Variants in PDZD8 observed in about 807,000 individuals in gnomAD.
PDZD8 encodes the protein PDZ domain-containing protein 8.
A neutral mutation model predicts 85.8 loss-of-function variants in PDZD8; 14 were observed. That is an observed-to-expected ratio of 0.16 (90% CI 0.11 to 0.26). PDZD8 has a LOEUF of 0.26. PDZD8 is among the 10% of genes least tolerant of loss of function. The pLI, the probability that PDZD8 is intolerant of heterozygous loss-of-function variation, is 1.00. For synonymous variants in PDZD8, 592 were observed against 568.6 expected, an observed-to-expected ratio of 1.04 and a Z score of -0.59; for missense variants, 1,197 against 1,424.3, an observed-to-expected ratio of 0.84 and a Z score of 2.57.
At position 117,280,939 on chromosome 10, in the gene PDZD8, A is replaced by G. The variant is rs1161151243; in HGVS notation, c.*2329T>C. On this transcript the variant is annotated 3_prime_UTR_variant, in exon 5 of 5. Coordinates refer to ENST00000334464, the MANE Select transcript of PDZD8 (RefSeq NM_173791.5). ...GCTACTTACAAGTAGTCCACCTTCCAGGTTATCAATGGTAAGTTATTTTTT... is the reference window on the plus strand; with the variant it reads ...GCTACTTACAAGTAGTCCACCTTCCGGGTTATCAATGGTAAGTTATTTTTT... The G allele has an allele frequency of 6.6e-6, 1 of 152,222 alleles. No individual in the cohort carries two copies. The highest frequency in any genetic ancestry group is 2.4e-5 in the African/African-American group (1 of 41,460). The allele number at this position is 152,222 out of a possible 1,614,324, so 9.4% of individuals were successfully genotyped here. A position where few individuals can be genotyped will look rare whatever the true frequency, so the allele number is the denominator to read the frequency against.
intron 1 of PDZD8, among the ~76,000 whole-genome samples, chr10:117,367,186 G>C (rs1589597366): frequency 2.6e-5 from 4 of 151,904 alleles, no homozygotes; most frequent in Admixed American, 2.6e-4. Flanking sequence ...TGAGGCGGGG[G>C]GATCACTAGA....
Position 117,284,423 on chromosome 10 carries a change from T to G in PDZD8, c.2310A>C (p.Ala770=), listed in dbSNP as rs146032723. 5.6e-5 allele frequency: 91 copies of G among 1,614,068 alleles called. No individual in the cohort carries two copies. Among genetic ancestry groups the G allele is most frequent in the Non-Finnish European group, 7.2e-5 (85 of 1,180,034 alleles). The part of the protein sequence containing the change: ...PSPKAIVTRT[A]LRNLSMQKGF... ...CCTTTTGCATACTCAGATTGCGTAG[T>G]GCGGTTCTAGTGACTATAGCCTTAG... The change falls in exon 5 of 5, where the codon GCA becomes GCC. Residue 770 remains alanine (A), a synonymous_variant. Coordinates refer to ENST00000334464, the MANE Select transcript of PDZD8 (RefSeq NM_173791.5).
chr10:117,312,339 G>C (rs983537307), intron 3 of PDZD8, among the ~76,000 whole-genome samples: 23 of 152,242 alleles, frequency 1.5e-4, no homozygotes, highest in African/African-American at 5.5e-4. Flanking sequence ...CCAGGCCTGC[G>C]AGGGCTGGAA....
chr10:117,285,151 T>C lies in PDZD8; in HGVS notation c.1582A>G (p.Thr528Ala). 1.2e-6 allele frequency: 2 copies of C among 1,614,142 alleles called. No individual in the cohort carries two copies. The highest frequency in any genetic ancestry group is 1.7e-6 in the Non-Finnish European group (2 of 1,179,982). The change falls in exon 5 of 5, where the codon ACA becomes GCA. Residue 528 changes from threonine (T) to alanine (A), a missense_variant. Coordinates refer to ENST00000334464, the MANE Select transcript of PDZD8 (RefSeq NM_173791.5). ...GCTCCAAGGGGTTTAATAGAAAGTGTTGTTGGAACACGTTTGGGACTATGA... is the reference window on the plus strand; with the variant it reads ...GCTCCAAGGGGTTTAATAGAAAGTGCTGTTGGAACACGTTTGGGACTATGA... ...LSHSPKRVPT[T>A]LSIKPLGAIS... is the part of the protein sequence containing the mutation.
In PDZD8 at chr10:117,277,416, C is replaced by A. The variant is rs144613652; in HGVS notation, c.*5852G>T. The A allele has an allele frequency of 5.9e-5, 28 of 471,596 alleles. No individual in the cohort carries two copies. The Admixed American group carries it at 7.6e-4, about 13-fold the overall frequency. The allele number at this position is 471,596 out of a possible 1,614,324, so 29.2% of individuals were successfully genotyped here. A position where few individuals can be genotyped will look rare whatever the true frequency, so the allele number is the denominator to read the frequency against. On this transcript the variant is annotated 3_prime_UTR_variant, in exon 5 of 5. Coordinates refer to ENST00000334464, the MANE Select transcript of PDZD8 (RefSeq NM_173791.5). ...ATTATTTCCTTTCCATGGTTATGGTCGATTGCCAACAGCCTTATAAAGAAA... is the reference window on the plus strand; with the variant it reads ...ATTATTTCCTTTCCATGGTTATGGTAGATTGCCAACAGCCTTATAAAGAAA...
rs1327759087 is a variant in PDZD8, at chr10:117,285,106, G to A, written c.1627C>T (p.Arg543Cys). 9.3e-6 allele frequency: 15 copies of A among 1,613,802 alleles called. No homozygotes were observed. Among genetic ancestry groups the A allele is most frequent in the African/African-American group, 5.3e-5 (4 of 74,866 alleles). Residue 543 changes from arginine (R) to cysteine (C), a missense_variant, in exon 5 of 5, where the codon CGT (arginine) becomes TGT (cysteine). Around this residue, in one of 4 missense-constraint regions of PDZD8, gnomAD observed 263 missense variants for 261.9 expected, o/e 1.00. Transcript: ENST00000334464. Reference protein sequence around the residue: ...PLGAISPVLNRKLAVGSHPLP... With the variant: ...PLGAISPVLNCKLAVGSHPLP... ...GGGTGACTTCCTACAGCTAATTTAC[G>A]GTTTAAAACTGGTGATATAGCTCCA...
chr10:117,297,158 C>A (rs73394938), intron 3 of PDZD8, among the ~76,000 whole-genome samples: 1 of 152,014 alleles, frequency 6.6e-6, no homozygotes, highest in African/African-American at 2.4e-5. Context: ...AAATGGCCAA[C>A]AAGCATATTA....
At chr10:117,322,278 C>T (rs1174711398) in intron 2 of PDZD8, among the ~76,000 whole-genome samples, 4 of 152,182 alleles carry the variant, frequency 2.6e-5, no homozygotes, top group African/African-American at 4.8e-5. Context: ...AAGGAGATTT[C>T]TGATGACCCA....
rs1167221103 is a variant in PDZD8, at chr10:117,279,358, ATTC to A, written c.*3907_*3909del. On this transcript the variant is annotated 3_prime_UTR_variant, in exon 5 of 5. Coordinates refer to ENST00000334464, the MANE Select transcript of PDZD8 (RefSeq NM_173791.5). ...AAACTTTAATGAGGTAGCAATGAAT[ATTC>A]AACTGTTTGACTGCTAAGTGTATCT... The A allele has an allele frequency of 6.6e-6, 1 of 152,208 alleles. No individual in the cohort carries two copies. The highest frequency in any genetic ancestry group is 1.5e-5 in the Non-Finnish European group (1 of 68,048). The allele number at this position is 152,208 out of a possible 1,614,324, so 9.4% of individuals were successfully genotyped here.
chr10:117,341,017 C>T lies in PDZD8; in HGVS notation c.958G>A (p.Glu320Lys). Residue 320 changes from glutamate (E) to lysine (K), a missense_variant, in exon 2 of 5, where the codon GAA becomes AAA. Around this residue, in one of 4 missense-constraint regions of PDZD8, gnomAD observed 344 missense variants for 453.6 expected, o/e 0.76. Transcript: ENST00000334464. ...AACAACGTAACTTTAAGACGGCCTT[C>T]AGTAAGTGCCCATTGTTGTATATGG... ...HIHIQQWALT[E>K]GRLKVTLLEC... The T allele has an allele frequency of 6.2e-7, 1 of 1,614,034 alleles. No homozygotes were observed. The highest frequency in any genetic ancestry group is 1.1e-5 in the South Asian group (1 of 91,078).
Position 117,359,591 on chromosome 10 carries a change from G to C in PDZD8, c.872+14765C>G, listed in dbSNP as rs147224755. ...CTGGGCATGGTGGTGCGCGCCTATAGTCCCAACTGCTCGAGAGGCTGAGGT... is the reference window on the plus strand; with the variant it reads ...CTGGGCATGGTGGTGCGCGCCTATACTCCCAACTGCTCGAGAGGCTGAGGT... On this transcript the variant is annotated intron_variant, in intron 1 of 4. Transcript: ENST00000334464. Among the ~76,000 whole-genome samples, 260 of 152,132 alleles carry C rather than the reference G, an allele frequency of 1.7e-3. 5 individuals carry two copies. The highest frequency in any genetic ancestry group is 5.8e-3 in the African/African-American group (242 of 41,514).
intron 3 of PDZD8, among the ~76,000 whole-genome samples, chr10:117,314,446 G>C (rs1267049004): frequency 6.6e-6 from 1 of 152,176 alleles, no homozygotes; most frequent in Non-Finnish European, 1.5e-5. Flanking sequence ...ACGGTTGCCA[G>C]TTAATACCAT....
In PDZD8 at chr10:117,333,124, A is replaced by AAACAAAAAC. The variant is rs1373673590; in HGVS notation, c.995+7855_995+7856insGTTTTTGTT. Reference sequence around the variant, plus strand: ...GCAGAGTGGACTCTGTCTCAAAAAAAAAAAAAAAAAAAAAAAAAAGGGGAT... The same window carrying AAACAAAAAC: ...GCAGAGTGGACTCTGTCTCAAAAAAAAACAAAAACAAAAAAAAAAAAAAAAAAAGGGGAT... On this transcript the variant is annotated intron_variant, in intron 2 of 4. Transcript: ENST00000334464. Among the ~76,000 whole-genome samples, 95 of 145,992 alleles carry AAACAAAAAC rather than the reference A, an allele frequency of 6.5e-4. 2 individuals carry two copies. The highest frequency in any genetic ancestry group is 1.9e-3 in the African/African-American group (76 of 39,344).
intron 2 of PDZD8, among the ~76,000 whole-genome samples, chr10:117,333,117 C>CAAAAAAAAAAAA (rs752527474): frequency 2.8e-4 from 2 of 7,242 alleles, no homozygotes; most frequent in African/African-American, 4.8e-4. Flanking sequence ...GACTCTGTCT[C>CAAAAAAAAAAAA]AAAAAAAAAA....
chr10:117,346,022 C>A (rs1469962890), intron 1 of PDZD8, among the ~76,000 whole-genome samples: 9 of 152,004 alleles, frequency 5.9e-5, no homozygotes, highest in Admixed American at 2.6e-4. Flanking sequence ...GGGCAGATCA[C>A]CTGAGGTCAG....
intron 1 of PDZD8, among the ~76,000 whole-genome samples, chr10:117,352,850 C>T (rs548188208): frequency 2.0e-5 from 3 of 152,118 alleles, no homozygotes; most frequent in African/African-American, 7.2e-5. Context: ...ATTCAAAGCT[C>T]GTAGGGGAAG....
intron 3 of PDZD8, among the ~76,000 whole-genome samples, chr10:117,298,969 A>C (rs1271561799): frequency 2.0e-5 from 3 of 152,116 alleles, no homozygotes; most frequent in Non-Finnish European, 4.4e-5. Flanking sequence ...TGAGGCATAT[A>C]ATGAGGCCTT....
Position 117,307,094 on chromosome 10 carries a change from G to T in PDZD8, c.1098+11778C>A, listed in dbSNP as rs1589555132. Among the ~76,000 whole-genome samples, 3 of 152,190 alleles carry T rather than the reference G, an allele frequency of 2.0e-5. No homozygotes were observed. In the South Asian group the frequency reaches 6.2e-4, roughly 32 times the overall value. Reference sequence around the variant, plus strand: ...ATCAGTAGTAAACTACTGCCTGTTGGCTACTTATGCTTTAAGAACACACAA... The same window carrying T: ...ATCAGTAGTAAACTACTGCCTGTTGTCTACTTATGCTTTAAGAACACACAA... On this transcript the variant is annotated intron_variant, in intron 3 of 4. Transcript: ENST00000334464.
rs769447434 is a variant in PDZD8, at chr10:117,374,890, G to A, written c.338C>T (p.Ala113Val). The A allele has an allele frequency of 1.9e-6, 3 of 1,613,462 alleles. No individual in the cohort carries two copies. Among genetic ancestry groups the A allele is most frequent in the Admixed American group, 3.3e-5 (2 of 60,020 alleles). Residue 113 changes from alanine to valine, a missense_variant, in exon 1 of 5, where the codon GCG (alanine) becomes GTG (valine). Ala to Val is a moderately conservative substitution (Grantham distance 64). Around this residue, in one of 4 missense-constraint regions of PDZD8, gnomAD observed 344 missense variants for 453.6 expected, o/e 0.76. Coordinates refer to ENST00000334464, the MANE Select transcript of PDZD8 (RefSeq NM_173791.5). The surrounding 1 kb of genome is among the most constrained non-coding windows in gnomAD (Gnocchi z 7.8). The stretch of plus-strand genomic sequence containing the variant: ...CTTGGTGACCCAGCGGCGGGTCAGC[G>A]CGGTGTCCCGCAACTCCCGGAACAG... The part of the protein sequence containing the change: ...LFLFRELRDT[A>V]LTRRWVTKKI...
Sources: gnomAD v4.1 joint callset for allele counts (sites outside exome capture counted in the v4.1 genomes callset) on GRCh38, gnomAD v4.1.1 for gene constraint, gnomAD v4.1.1 regional missense constraint, Gnocchi (gnomAD v3.1) non-coding constraint, MANE v1.5 for transcripts, NCBI Gene and HGNC (gene_info 2026-07-23, HGNC 2026-07-21) for gene names.